CAST: variants seen among roughly 807,000 people sequenced by gnomAD.
CAST encodes the protein calpastatin, also known as MIR583 host.
CAST carries 76 observed loss-of-function variants against 119.6 expected under a neutral mutation model. The observed-to-expected ratio is 0.64, with a 90% CI of 0.53 to 0.77. CAST has a LOEUF of 0.77. CAST is among the 30% of genes least tolerant of loss of function. The pLI is 0.00. For missense variants in CAST, 953 were observed against 946.5 expected (o/e 1.01, Z -0.09); for synonymous variants, 319 against 331.6 (o/e 0.96, Z 0.41).
At chr5:96,380,858 A>C in the CAST span, among the ~76,000 whole-genome samples, 1 of 152,206 alleles carries the variant, frequency 6.6e-6, no homozygotes, top group African/African-American at 2.4e-5. Context: ...GGGGTTACAA[A>C]ATTACGCGTG....
chr5:96,184,923 A>G, the CAST span, among the ~76,000 whole-genome samples: 4 of 152,188 alleles, frequency 2.6e-5, no homozygotes, highest in African/African-American at 9.7e-5. Flanking sequence ...TTTTTGAGGA[A>G]TCACCACACT....
At chr5:96,470,901 C>G in the CAST span, among the ~76,000 whole-genome samples, 50 of 152,124 alleles carry the variant, frequency 3.3e-4, no homozygotes, top group African/African-American at 1.1e-3. Context: ...ATCTAATATA[C>G]GCAGATGTTG....
the CAST span, among the ~76,000 whole-genome samples, chr5:96,307,908 A>T: frequency 6.6e-6 from 1 of 152,022 alleles, no homozygotes; most frequent in Non-Finnish European, 1.5e-5. Flanking sequence ...TTCAACCTTG[A>T]TGAATCTGAT....
chr5:96,068,357 G>A, the CAST span, among the ~76,000 whole-genome samples: 13 of 152,010 alleles, frequency 8.6e-5, no homozygotes, highest in Non-Finnish European at 1.9e-4. Flanking sequence ...TAAGAAGCAG[G>A]ATTCTTGAAG....
At chr5:96,127,699 A>C in the CAST span, among the ~76,000 whole-genome samples, 33 of 152,178 alleles carry the variant, frequency 2.2e-4, no homozygotes, top group Non-Finnish European at 4.3e-4. Flanking sequence ...TTTGGAAAGC[A>C]TTCTCCTTCC....
At chr5:96,111,241 G>C in the CAST span, among the ~76,000 whole-genome samples, 5 of 152,208 alleles carry the variant, frequency 3.3e-5, no homozygotes, top group Admixed American at 3.3e-4. Flanking sequence ...ATGACAGTCA[G>C]ATGAATAGGT....
chr5:96,241,138 T>C, the CAST span, among the ~76,000 whole-genome samples: 2 of 151,834 alleles, frequency 1.3e-5, no homozygotes, highest in Non-Finnish European at 2.9e-5. Context: ...TGTATACATG[T>C]GCCATGCTGG....
the CAST span, among the ~76,000 whole-genome samples, chr5:95,967,614 A>T: frequency 6.6e-6 from 1 of 152,076 alleles, no homozygotes; most frequent in African/African-American, 2.4e-5. Flanking sequence ...AGTTCTCACA[A>T]GATCTGATGG....
At chr5:96,369,176 ATT>A in the CAST span, among the ~76,000 whole-genome samples, 1 of 151,488 alleles carries the variant, frequency 6.6e-6, no homozygotes, top group Non-Finnish European at 1.5e-5. Flanking sequence ...TTTCTCGTAT[ATT>A]TATTTAATTT....
chr5:96,581,144 A>T lies in CAST; in HGVS notation c.60+51264A>T, dbSNP rs190429001. Among the ~76,000 whole-genome samples the T allele has an allele frequency of 2.4e-3, 365 of 152,406 alleles. 1 individual carries two copies. Among genetic ancestry groups the T allele is most frequent in the Non-Finnish European group, 3.9e-3 (266 of 68,044 alleles). On this transcript the variant is annotated intron_variant, in intron 1 of 11. Coordinates refer to the CAST transcript ENST00000505143. ...GCTAAAACAGAAACTAAGTTTTAAC[A>T]GTAACAGTAGAAAGGTCAACCTTTA...
Position 96,766,100 on chromosome 5 carries a change from C to T in CAST, c.2085C>T (p.Asp695=). 6.2e-7 allele frequency: 1 copy of T among 1,611,454 alleles called. No homozygotes were observed. Among genetic ancestry groups the T allele is most frequent in the South Asian group, 1.1e-5 (1 of 90,870 alleles). ...EHRDKLGERD[D]TIPPEYRHLL... is the part of the protein sequence containing the mutation. ...GAGACAAGCTTGGAGAAAGAGATGA[C>T]ACTATCCCACCTGAATACAGACATC... The change falls in exon 27 of 32, where the codon GAC becomes GAT. Residue 695 remains aspartate, a synonymous_variant. Coordinates refer to ENST00000675179, the MANE Select transcript of CAST (RefSeq NM_001750.7).
At chr5:96,461,846 A>G in the CAST span, among the ~76,000 whole-genome samples, 1 of 152,154 alleles carries the variant, frequency 6.6e-6, no homozygotes, top group Non-Finnish European at 1.5e-5. Flanking sequence ...GTGCTGATGT[A>G]CATCAAGTGA....
At chr5:96,399,987 C>T in the CAST span, 2 of 1,614,174 alleles carry the variant, frequency 1.2e-6, no homozygotes, top group East Asian at 2.2e-5. Flanking sequence ...ACAACACACT[C>T]TTTCTTCTCA....
chr5:95,975,393 T>A, the CAST span, among the ~76,000 whole-genome samples: 2 of 152,158 alleles, frequency 1.3e-5, no homozygotes, highest in Non-Finnish European at 2.9e-5. Flanking sequence ...ATTTATTAGG[T>A]CTGGGGAGTG....
At chr5:96,178,956 C>T in the CAST span, among the ~76,000 whole-genome samples, 7 of 152,328 alleles carry the variant, frequency 4.6e-5, no homozygotes, top group South Asian at 1.2e-3. Flanking sequence ...TCTTCCATCC[C>T]AGCAAGAAGA....
chr5:96,367,913 G>A, the CAST span, among the ~76,000 whole-genome samples: 9 of 151,986 alleles, frequency 5.9e-5, no homozygotes, highest in Non-Finnish European at 8.8e-5. Context: ...CTTCTGCATC[G>A]CTCATGCTGA....
At chr5:96,054,163 T>C in the CAST span, among the ~76,000 whole-genome samples, 1 of 152,182 alleles carries the variant, frequency 6.6e-6, no homozygotes, top group African/African-American at 2.4e-5. Flanking sequence ...TTGTAGTTTT[T>C]TTCCAAACCA....
the CAST span, chr5:95,961,778 G>A: frequency 6.6e-7 from 1 of 1,507,804 alleles, no homozygotes; most frequent in Non-Finnish European, 8.8e-7. Context: ...CTCCACTGCG[G>A]CCGCGGCTGC....
chr5:96,354,809 C>T, the CAST span, among the ~76,000 whole-genome samples: 2 of 149,920 alleles, frequency 1.3e-5, no homozygotes, highest in South Asian at 2.1e-4. Flanking sequence ...TGTTAACTTC[C>T]CACTGTGAAA....
Sources: gnomAD v4.1 joint callset for allele counts (sites outside exome capture counted in the v4.1 genomes callset) on GRCh38, gnomAD v4.1.1 for gene constraint, MANE v1.5 for transcripts, NCBI Gene and HGNC (gene_info 2026-07-23, HGNC 2026-07-21) for gene names.